Variants in CPNE4 observed in about 807,000 individuals in gnomAD.
CPNE4 encodes the protein copine-4.
In CPNE4, 25 loss-of-function variants were observed where a neutral mutation model predicts 67.9. The observed-to-expected ratio is 0.37, with a 90% CI of 0.27 to 0.51. The LOEUF (loss-of-function observed/expected upper bound fraction) is 0.51. Ranked by LOEUF, CPNE4 falls within the 20% of genes least tolerant of loss-of-function variation. The pLI is 0.93. For missense variants in CPNE4, 464 were observed against 690.8 expected (o/e 0.67, Z 3.68); for synonymous variants, 242 against 244.9 (o/e 0.99, Z 0.11).
intron 13 of CPNE4, among the ~76,000 whole-genome samples, chr3:131,551,881 A>G (rs13095434): frequency 0.17 from 25,843 of 152,022 alleles, 2,460 homozygotes; most frequent in African/African-American, 0.26. Flanking sequence ...AAATCATGTC[A>G]GAGAATTCTG....
At chr3:131,622,048 AAAAAG>A (rs1414744805) in intron 7 of CPNE4, among the ~76,000 whole-genome samples, 3 of 151,824 alleles carry the variant, frequency 2.0e-5, no homozygotes, top group East Asian at 1.9e-4. Context: ...AAGAAAAGAA[AAAAAG>A]AAAAGAAATG....
Position 132,002,959 on chromosome 3 carries a change from G to A in CPNE4, c.-2+31608C>T, listed in dbSNP as rs530286262. On this transcript the variant is annotated intron_variant, in intron 1 of 15. Coordinates refer to ENST00000429747, the MANE Select transcript of CPNE4 (RefSeq NM_130808.3). ...GCAGCCTCAGCATTACCTGGAACCT[G>A]AGTAGAAATGCAGAATCTCAGGCCC... 1.3e-4 allele frequency among the ~76,000 whole-genome samples: 20 copies of A among 152,190 alleles called. No individual in the cohort carries two copies. The South Asian group carries it at 3.9e-3, about 30-fold the overall frequency.
At chr3:131,693,888 T>C (rs2081088853) in intron 5 of CPNE4, among the ~76,000 whole-genome samples, 1 of 152,220 alleles carries the variant, frequency 6.6e-6, no homozygotes, top group South Asian at 2.1e-4. Context: ...GGCAATCTGT[T>C]TGAGTCCCTC....
At chr3:131,956,484 C>T (rs2071976839) in intron 1 of CPNE4, among the ~76,000 whole-genome samples, 1 of 152,114 alleles carries the variant, frequency 6.6e-6, no homozygotes. Context: ...AAAAATGTAG[C>T]TTGAAATTTA....
chr3:131,857,577 T>C (rs983268509), intron 2 of CPNE4, among the ~76,000 whole-genome samples: 1 of 152,012 alleles, frequency 6.6e-6, no homozygotes, highest in African/African-American at 2.4e-5. Context: ...AGAAAAGATC[T>C]GGGTTCTGGA....
intron 2 of CPNE4, 56 bp from the exon 3 acceptor site, chr3:131,723,681 T>C: frequency 1.4e-6 from 2 of 1,449,538 alleles, no homozygotes; most frequent in East Asian, 4.6e-5. Context: ...ATTATTACCG[T>C]TCAAGAAAAT....
rs537399270 is a variant in CPNE4, at chr3:131,846,228, A to G, written c.180+59036T>C. Among the ~76,000 whole-genome samples the G allele has an allele frequency of 5.3e-5, 8 of 152,326 alleles. No individual in the cohort carries two copies. The East Asian group carries it at 1.3e-3, about 26-fold the overall frequency. ...TGTAAATCACTTAGAAGTTCTTGGC[A>G]CTTAGTAAGTACATATTCATCAAGA... On this transcript the variant is annotated intron_variant, in intron 2 of 15. Transcript: ENST00000429747.
At chr3:132,014,218 C>T (rs2073839785) in intron 1 of CPNE4, among the ~76,000 whole-genome samples, 1 of 152,076 alleles carries the variant, frequency 6.6e-6, no homozygotes, top group African/African-American at 2.4e-5. Context: ...GCTGGAAGGC[C>T]CTGGGAATAT....
intron 1 of CPNE4, among the ~76,000 whole-genome samples, chr3:131,945,973 A>T (rs1410820214): frequency 6.6e-6 from 1 of 152,164 alleles, no homozygotes; most frequent in African/African-American, 2.4e-5. Flanking sequence ...TCTCAAACCT[A>T]CTAGAAGCTC....
intron 2 of CPNE4, among the ~76,000 whole-genome samples, chr3:131,779,886 T>G (rs1003432806): frequency 6.6e-6 from 1 of 151,998 alleles, no homozygotes; most frequent in African/African-American, 2.4e-5. Context: ...AAACTATGGA[T>G]AGCATAAACA....
At chr3:131,633,150 T>C (rs2079277829) in intron 7 of CPNE4, among the ~76,000 whole-genome samples, 1 of 152,226 alleles carries the variant, frequency 6.6e-6, no homozygotes, top group Non-Finnish European at 1.5e-5. Context: ...GAAATCTTGT[T>C]GGTTTTACTT....
At chr3:131,963,938 T>C (rs1028897273) in intron 1 of CPNE4, among the ~76,000 whole-genome samples, 1 of 152,114 alleles carries the variant, frequency 6.6e-6, no homozygotes, top group East Asian at 1.9e-4. Flanking sequence ...AGGAGATATC[T>C]CCTAGCAGGG....
intron 1 of CPNE4, among the ~76,000 whole-genome samples, chr3:131,909,823 C>G (rs187215041): frequency 6.6e-6 from 1 of 151,908 alleles, no homozygotes; most frequent in Non-Finnish European, 1.5e-5. Flanking sequence ...AGTTCTTGCT[C>G]TGAATTATTA....
intron 5 of CPNE4, among the ~76,000 whole-genome samples, chr3:131,692,576 C>CA (rs1255503026): frequency 6.6e-6 from 1 of 152,108 alleles, no homozygotes; most frequent in African/African-American, 2.4e-5. Context: ...AACACTGCCA[C>CA]ATTCATTCAT....
At chr3:131,823,207 A>G (rs957223670) in intron 2 of CPNE4, among the ~76,000 whole-genome samples, 8 of 152,210 alleles carry the variant, frequency 5.3e-5, no homozygotes, top group African/African-American at 1.9e-4. Context: ...ATATTTATTG[A>G]AAGTATACTA....
chr3:132,028,693 CT>C (rs1228282017), intron 1 of CPNE4, among the ~76,000 whole-genome samples: 3 of 152,116 alleles, frequency 2.0e-5, no homozygotes, highest in Non-Finnish European at 2.9e-5. Context: ...TTTATTTTCT[CT>C]TCTTATAGAT....
intron 7 of CPNE4, among the ~76,000 whole-genome samples, chr3:131,593,693 A>C (rs1210705070): frequency 6.6e-6 from 1 of 151,932 alleles, no homozygotes; most frequent in African/African-American, 2.4e-5. Flanking sequence ...TAGAATTTCC[A>C]GGACTATGGT....
chr3:131,847,976 C>A (rs555100627), intron 2 of CPNE4, among the ~76,000 whole-genome samples: 2 of 152,268 alleles, frequency 1.3e-5, no homozygotes, highest in Non-Finnish European at 2.9e-5. Context: ...AGACTTATCT[C>A]CTAAACACTC....
At chr3:131,662,430 C>A (rs2080149527) in intron 7 of CPNE4, among the ~76,000 whole-genome samples, 1 of 152,152 alleles carries the variant, frequency 6.6e-6, no homozygotes, top group Non-Finnish European at 1.5e-5. Context: ...CATACACATA[C>A]ACATATACAT....
Sources: allele counts gnomAD v4.1 joint callset (sites outside exome capture counted in the v4.1 genomes callset), GRCh38; gene constraint gnomAD v4.1.1; transcripts MANE v1.5; gene names NCBI Gene and HGNC (gene_info 2026-07-23, HGNC 2026-07-21).